AIG1: variants seen among roughly 807,000 people sequenced by gnomAD.
AIG1 encodes androgen-induced gene 1 protein.
A neutral mutation model predicts 31.4 loss-of-function variants in AIG1; 23 were observed. That is an observed-to-expected ratio of 0.73 (90% CI 0.53 to 1.04). AIG1 has a LOEUF of 1.04. AIG1 is among the 50% of genes least tolerant of loss of function. AIG1 has a pLI of 0.00. For synonymous variants in AIG1, 100 were observed against 110.5 expected, an observed-to-expected ratio of 0.90 and a Z score of 0.60; for missense variants, 274 against 295.0, an observed-to-expected ratio of 0.93 and a Z score of 0.52.
chr6:143,218,075 C>T (rs1792174041), intron 3 of AIG1, among the ~76,000 whole-genome samples: 1 of 152,236 alleles, frequency 6.6e-6, no homozygotes, highest in African/African-American at 2.4e-5. Context: ...TGCATCGTCT[C>T]ATTTGCGAAT....
intron 2 of AIG1, among the ~76,000 whole-genome samples, chr6:143,157,161 C>T: frequency 6.6e-6 from 1 of 152,088 alleles, no homozygotes; most frequent in East Asian, 1.9e-4. Context: ...ATTAAAAAAC[C>T]TTTTTGATTA....
At chr6:143,066,822 A>G (rs919874613) in intron 1 of AIG1, among the ~76,000 whole-genome samples, 1 of 152,178 alleles carries the variant, frequency 6.6e-6, no homozygotes, top group Non-Finnish European at 1.5e-5. Context: ...GGAAAAATAC[A>G]GTTCTTTCCA....
In AIG1 at chr6:143,292,212, C is replaced by T. The variant is rs1193205287; in HGVS notation, c.515+7987C>T. ...CAAAGATATCCACATCCTAAAATCCCCAGAACTTGTGGATATGTTCCCTGA... is the reference window on the plus strand; with the variant it reads ...CAAAGATATCCACATCCTAAAATCCTCAGAACTTGTGGATATGTTCCCTGA... On this transcript the variant is annotated intron_variant, in intron 4 of 5. Transcript: ENST00000357847. The surrounding 1 kb of genome is among the most constrained non-coding windows in gnomAD (Gnocchi z 4.9). Among the ~76,000 whole-genome samples, 1 of 152,196 alleles carries T rather than the reference C, an allele frequency of 6.6e-6. No individual in the cohort carries two copies. Among genetic ancestry groups the T allele is most frequent in the Non-Finnish European group, 1.5e-5 (1 of 68,048 alleles).
downstream of AIG1, among the ~76,000 whole-genome samples, chr6:143,341,333 T>C (rs1777846991): frequency 6.6e-6 from 1 of 152,202 alleles, no homozygotes; most frequent in African/African-American, 2.4e-5. Flanking sequence ...CACAACTACA[T>C]GTATCTTACC....
chr6:143,221,540 T>A (rs1270599081), intron 3 of AIG1, among the ~76,000 whole-genome samples: 1 of 152,204 alleles, frequency 6.6e-6, no homozygotes, highest in African/African-American at 2.4e-5. Context: ...AAAAATATGA[T>A]ACAGCAGCTA....
At chr6:143,162,426 G>T (rs1786468995) in intron 2 of AIG1, among the ~76,000 whole-genome samples, 1 of 152,162 alleles carries the variant, frequency 6.6e-6, no homozygotes, top group Non-Finnish European at 1.5e-5. Context: ...AAATGCAAAG[G>T]ACTTAAAGCA....
At chr6:143,080,955 T>C (rs1056206198) in intron 1 of AIG1, among the ~76,000 whole-genome samples, 4 of 152,198 alleles carry the variant, frequency 2.6e-5, no homozygotes, top group African/African-American at 9.7e-5. Context: ...CTTTCCCTCC[T>C]CTCAGGGACA....
intron 3 of AIG1, among the ~76,000 whole-genome samples, chr6:143,184,603 C>G (rs983842581): frequency 6.6e-6 from 1 of 152,208 alleles, no homozygotes; most frequent in African/African-American, 2.4e-5. Context: ...CAAAATAGGT[C>G]CCGGATCGGC....
rs1798586749 is a variant in AIG1, at chr6:143,298,366, A to T, written c.515+14141A>T. Among the ~76,000 whole-genome samples the T allele has an allele frequency of 6.6e-6, 1 of 152,252 alleles. No homozygotes were observed. Among genetic ancestry groups the T allele is most frequent in the Non-Finnish European group, 1.5e-5 (1 of 68,042 alleles). ...TTTGCCACACAAAGTGTCTAGCCAC[A>T]CATGCTAAACTTAAGCCAAAGATAT... is the stretch of plus-strand genomic sequence containing the variant. On this transcript the variant is annotated intron_variant, in intron 4 of 5. Coordinates refer to ENST00000357847, the MANE Select transcript of AIG1 (RefSeq NM_016108.4). The surrounding 1 kb of genome is among the most constrained non-coding windows in gnomAD (Gnocchi z 5.1).
chr6:143,189,238 A>G (rs1407165848), intron 3 of AIG1: 11 of 423,188 alleles, frequency 2.6e-5, no homozygotes, highest in Non-Finnish European at 3.5e-5. Flanking sequence ...TGTAGAGACA[A>G]TGGGCTCACT....
chr6:143,332,451 A>T lies in AIG1; in HGVS notation c.516-831A>T, dbSNP rs552079937. Among the ~76,000 whole-genome samples the T allele has an allele frequency of 2.5e-4, 38 of 152,368 alleles. No individual in the cohort carries two copies. The South Asian group carries it at 7.9e-3, about 32-fold the overall frequency. ...ATTCATGATGTTACTATTCCCACTG[A>T]GTCAAAAATATTTCTGGAACACAAA... On this transcript the variant is annotated intron_variant, in intron 4 of 5. Coordinates refer to ENST00000357847, the MANE Select transcript of AIG1 (RefSeq NM_016108.4).
intron 4 of AIG1, among the ~76,000 whole-genome samples, chr6:143,286,295 A>G (rs1485512270): frequency 6.6e-6 from 1 of 152,166 alleles, no homozygotes; most frequent in African/African-American, 2.4e-5. Flanking sequence ...CCTCATTAAA[A>G]TGAAGCATTA....
At chr6:143,226,983 G>GTT (rs1793012127) in intron 3 of AIG1, among the ~76,000 whole-genome samples, 1 of 111,100 alleles carries the variant, frequency 9.0e-6, no homozygotes, top group African/African-American at 3.5e-5. Flanking sequence ...TTGAGTTTTT[G>GTT]TCTTTTTTTT....
chr6:143,217,619 T>C (rs149616818), intron 3 of AIG1, among the ~76,000 whole-genome samples: 5 of 152,244 alleles, frequency 3.3e-5, no homozygotes, highest in Non-Finnish European at 7.4e-5. Flanking sequence ...ATCAATTCTC[T>C]TCCCTTAGCC....
Position 143,333,925 on chromosome 6 carries a change from T to C in AIG1, c.679+480T>C, listed in dbSNP as rs1438916763. On this transcript the variant is annotated intron_variant, in intron 5 of 5. Transcript: ENST00000357847. This position sits in a 1 kb window ranked among gnomAD's most constrained non-coding sequence, Gnocchi z 4.6. ...TTCTGCTAGAGCTCTATCTAAGCAG[T>C]GTGTGATGCTCCGGCCACCTTGACT... 6.6e-6 allele frequency among the ~76,000 whole-genome samples: 1 copy of C among 152,086 alleles called. No homozygotes were observed. The highest frequency in any genetic ancestry group is 1.5e-5 in the Non-Finnish European group (1 of 68,016).
chr6:143,278,115 G>A (rs1797075949), intron 3 of AIG1, among the ~76,000 whole-genome samples: 1 of 152,186 alleles, frequency 6.6e-6, no homozygotes, highest in Non-Finnish European at 1.5e-5. Context: ...CCCTTCTTGT[G>A]TAGTGTGAAC....
intron 1 of AIG1, among the ~76,000 whole-genome samples, chr6:143,069,967 C>T (rs141189486): frequency 2.8e-4 from 42 of 152,296 alleles, no homozygotes; most frequent in Admixed American, 5.2e-4. Flanking sequence ...ATTACGTTTG[C>T]ACCTTTGTCA....
chr6:143,129,024 G>T (rs903717020), intron 1 of AIG1, among the ~76,000 whole-genome samples: 5 of 152,220 alleles, frequency 3.3e-5, no homozygotes, highest in Non-Finnish European at 5.9e-5. Flanking sequence ...GGGCGCGGTG[G>T]CTCATGCCTG....
Position 143,298,749 on chromosome 6 carries a change from A to C in AIG1, c.515+14524A>C, listed in dbSNP as rs1283467738. The C allele has an allele frequency of 2.6e-5, 4 of 151,428 alleles. No homozygotes were observed. In the East Asian group the frequency reaches 7.7e-4, roughly 29 times the overall value. The allele number at this position is 151,428 out of a possible 1,614,324, so 9.4% of individuals were successfully genotyped here. On this transcript the variant is annotated intron_variant, in intron 4 of 5. Transcript: ENST00000357847. This position sits in a 1 kb window ranked among gnomAD's most constrained non-coding sequence, Gnocchi z 5.1. ...TGCACTCCACCCTGGGCAACAGAGCAAGACTGTCTCTAAAATTGCAGTGGG... is the reference window on the plus strand; with the variant it reads ...TGCACTCCACCCTGGGCAACAGAGCCAGACTGTCTCTAAAATTGCAGTGGG...
Sources: gnomAD v4.1 joint callset for allele counts (sites outside exome capture counted in the v4.1 genomes callset) on GRCh38, gnomAD v4.1.1 for gene constraint, Gnocchi (gnomAD v3.1) non-coding constraint, MANE v1.5 for transcripts, NCBI Gene and HGNC (gene_info 2026-07-23, HGNC 2026-07-21) for gene names.